Variants in RAB11FIP1 observed in about 807,000 individuals in gnomAD.
The protein encoded by RAB11FIP1 is rab11 family-interacting protein 1.
In RAB11FIP1, 49 loss-of-function variants were observed where a neutral mutation model predicts 83.1. The ratio of observed to expected loss-of-function variants is 0.59; its 90% CI spans 0.47 to 0.75. The LOEUF (loss-of-function observed/expected upper bound fraction) is 0.75, where lower values mean the gene tolerates loss of function less well. Ranked by LOEUF, RAB11FIP1 falls within the 30% of genes least tolerant of loss-of-function variation. The pLI is 0.00. For synonymous variants in RAB11FIP1, 670 were observed against 656.0 expected (o/e 1.02, Z -0.33); for missense variants, 1,536 against 1,598.7 (o/e 0.96, Z 0.67).
At chr8:37,883,171 T>G (rs76896702) in intron 1 of RAB11FIP1, among the ~76,000 whole-genome samples, 1 of 151,836 alleles carries the variant, frequency 6.6e-6, no homozygotes, top group African/African-American at 2.4e-5. Context: ...TTTTTTTTTT[T>G]CTGGTTTTTT....
intron 1 of RAB11FIP1, among the ~76,000 whole-genome samples, chr8:37,882,479 T>C (rs1332702899): frequency 6.6e-6 from 1 of 152,222 alleles, no homozygotes; most frequent in Non-Finnish European, 1.5e-5. Flanking sequence ...TAATCCTTTA[T>C]CACAAACCCT....
intron 1 of RAB11FIP1, among the ~76,000 whole-genome samples, chr8:37,888,982 A>G (rs1382304500): frequency 6.6e-6 from 1 of 151,602 alleles, no homozygotes; most frequent in African/African-American, 2.4e-5. Context: ...TATTTTTAGT[A>G]GAGATGGGGT....
chr8:37,877,591 G>A (rs778706605), intron 1 of RAB11FIP1, 40 bp from the exon 2 acceptor site: 11 of 1,316,038 alleles, frequency 8.4e-6, no homozygotes, highest in Middle Eastern at 1.9e-4. Context: ...TTGAATGGAA[G>A]CAACTGCAAC....
At position 37,861,288 on chromosome 8, in the gene RAB11FIP1, T is replaced by C. The variant is rs1485849191; in HGVS notation, c.*1607A>G. Reference sequence around the variant, plus strand: ...ACAGTTTTATAACAAGGGGGTAAAATGCTGGTGAGTCTATTCATGAGGGAA... The same window carrying C: ...ACAGTTTTATAACAAGGGGGTAAAACGCTGGTGAGTCTATTCATGAGGGAA... On this transcript the variant is annotated 3_prime_UTR_variant, in exon 6 of 6. Coordinates refer to ENST00000330843, the MANE Select transcript of RAB11FIP1 (RefSeq NM_001002814.3). 1 of 185,142 alleles carries C rather than the reference T, an allele frequency of 5.4e-6. No homozygotes were observed. Among genetic ancestry groups the C allele is most frequent in the African/African-American group, 2.4e-5 (1 of 41,534 alleles). The allele number at this position is 185,142 out of a possible 1,614,324, so 11.5% of individuals were successfully genotyped here.
chr8:37,871,580 T>C lies in RAB11FIP1; in HGVS notation c.3222A>G (p.Glu1074=). The C allele has an allele frequency of 1.9e-6, 3 of 1,598,530 alleles. No individual in the cohort carries two copies. Among genetic ancestry groups the C allele is most frequent in the South Asian group, 2.2e-5 (2 of 89,524 alleles). ...KQLPGPSGGE[E]EKPMGNGSPS... ...GACTCCCATTTCCCATCGGTTTTTCTTCCTCACCACCACTGGGGCCTGGCA... is the reference window on the plus strand; with the variant it reads ...GACTCCCATTTCCCATCGGTTTTTCCTCCTCACCACCACTGGGGCCTGGCA... Residue 1074 remains glutamate, a synonymous_variant, in exon 4 of 6, where the codon GAA becomes GAG. Transcript: ENST00000330843.
intron 5 of RAB11FIP1, among the ~76,000 whole-genome samples, chr8:37,868,422 C>CAA (rs796819866): frequency 3.5e-5 from 2 of 57,690 alleles, no homozygotes; most frequent in African/African-American, 6.2e-5. Context: ...AACTCCATCT[C>CAA]AAAAAAAAAA....
intron 1 of RAB11FIP1, 157 bp from the exon 2 acceptor site, chr8:37,877,708 ATT>A (rs59670170): frequency 0.058 from 12,061 of 208,524 alleles, no homozygotes; most frequent in South Asian, 0.11. Flanking sequence ...TGAGAGCAGA[ATT>A]TTTTTTTTTT....
chr8:37,863,952 G>C (rs1315686563), intron 5 of RAB11FIP1, among the ~76,000 whole-genome samples: 1 of 152,218 alleles, frequency 6.6e-6, no homozygotes. Context: ...CAGGGAGCAA[G>C]GGCTTTCTTT....
At chr8:37,892,245 A>T (rs993951430) in intron 1 of RAB11FIP1, among the ~76,000 whole-genome samples, 1 of 152,022 alleles carries the variant, frequency 6.6e-6, no homozygotes, top group Non-Finnish European at 1.5e-5. Flanking sequence ...CCACCTCCAC[A>T]GGTGGCTTGG....
chr8:37,896,789 A>G (rs1196620125), intron 1 of RAB11FIP1, among the ~76,000 whole-genome samples: 4 of 152,182 alleles, frequency 2.6e-5, no homozygotes, highest in Non-Finnish European at 5.9e-5. Context: ...AACATGCTCT[A>G]TTTACAAATA....
intron 4 of RAB11FIP1, 64 bp from the exon 5 acceptor site, chr8:37,870,592 C>A: frequency 1.2e-6 from 1 of 842,674 alleles, no homozygotes; most frequent in South Asian, 1.6e-5. Context: ...CAACTGCCCA[C>A]TGCAAAGACG....
chr8:37,890,365 T>C (rs894713854), intron 1 of RAB11FIP1, among the ~76,000 whole-genome samples: 1 of 152,146 alleles, frequency 6.6e-6, no homozygotes, highest in Non-Finnish European at 1.5e-5. Flanking sequence ...CTAGAAATAT[T>C]TTTTGGGGAT....
At chr8:37,870,584 A>T (rs1806434067) in intron 4 of RAB11FIP1, 56 bp from the exon 5 acceptor site, 1 of 900,062 alleles carries the variant, frequency 1.1e-6, no homozygotes, top group African/African-American at 1.7e-5. Flanking sequence ...AAACTGAGCA[A>T]CTGCCCACTG....
intron 5 of RAB11FIP1, among the ~76,000 whole-genome samples, chr8:37,868,926 C>A (rs957593383): frequency 2.0e-5 from 3 of 152,104 alleles, no homozygotes; most frequent in African/African-American, 7.2e-5. Context: ...AGTATTAATT[C>A]ATACTGAAAA....
intron 3 of RAB11FIP1, 86 bp from the exon 4 acceptor site, chr8:37,873,265 C>A: frequency 7.1e-7 from 1 of 1,415,910 alleles, no homozygotes; most frequent in Non-Finnish European, 9.4e-7. Context: ...AGTCATTCAC[C>A]AGGGGAGAAC....
At chr8:37,864,085 C>G (rs540259951) in intron 5 of RAB11FIP1, among the ~76,000 whole-genome samples, 1 of 152,358 alleles carries the variant, frequency 6.6e-6, no homozygotes, top group African/African-American at 2.4e-5. Flanking sequence ...TCACTTCATA[C>G]TCGAGAAATA....
At chr8:37,891,080 G>C (rs148792605) in intron 1 of RAB11FIP1, among the ~76,000 whole-genome samples, 165 of 152,302 alleles carry the variant, frequency 1.1e-3, no homozygotes, top group African/African-American at 3.5e-3. Context: ...GGCAAAGTCA[G>C]GCTTGGTCTC....
Position 37,877,178 on chromosome 8 carries a change from G to A in RAB11FIP1, c.745C>T (p.Arg249Cys), listed in dbSNP as rs558154048. Residue 249 changes from arginine (R) to cysteine (C), a missense_variant, in exon 2 of 6, where the codon CGT becomes TGT. Transcript: ENST00000330843. ...PTSKPEKVLL[R>C]PGDFQSQWDE... ...CACTGGGACTGAAAGTCTCCGGGAC[G>A]AAGCAGCACTTTTTCTGGCTTTGAA... 1.1e-5 allele frequency: 18 copies of A among 1,614,138 alleles called. No homozygotes were observed. The highest frequency in any genetic ancestry group is 1.1e-4 in the African/African-American group (8 of 75,050).
In RAB11FIP1 at chr8:37,858,828, C is replaced by T. The variant is rs1276390135; in HGVS notation, c.*4067G>A. On this transcript the variant is annotated 3_prime_UTR_variant, in exon 6 of 6. Coordinates refer to ENST00000330843, the MANE Select transcript of RAB11FIP1 (RefSeq NM_001002814.3). ...AGGCAAGATGGCAGCAACAGAAATC[C>T]CAGTGAGAGACCCTCATGGGATGAG... 1 of 152,178 alleles carries T rather than the reference C, an allele frequency of 6.6e-6. No homozygotes were observed. The highest frequency in any genetic ancestry group is 1.9e-4 in the East Asian group (1 of 5,194). 9.4% of individuals were successfully genotyped at this position (152,178 alleles called of 1,614,324 possible).
Sources: allele counts gnomAD v4.1 joint callset (sites outside exome capture counted in the v4.1 genomes callset), GRCh38; gene constraint gnomAD v4.1.1; transcripts MANE v1.5; gene names NCBI Gene and HGNC (gene_info 2026-07-23, HGNC 2026-07-21).